Variants in PRKN observed in about 807,000 individuals in gnomAD.
PRKN encodes the protein E3 ubiquitin-protein ligase parkin.
Under a neutral mutation model 59.5 loss-of-function variants are expected in PRKN, and 56 were observed. The observed-to-expected ratio is 0.94, with a 90% CI of 0.76 to 1.18. The LOEUF is 1.18. Ranked by LOEUF, PRKN falls within the 50% of genes most tolerant of loss-of-function variation. The pLI, the probability that PRKN is intolerant of heterozygous loss-of-function variation, is 0.00. For synonymous variants in PRKN, 250 were observed against 222.1 expected (o/e 1.13, Z -1.12); for missense variants, 657 against 596.4 (o/e 1.10, Z -1.06).
At chr6:162,666,775 G>T (rs1046429034) in intron 1 of PRKN, among the ~76,000 whole-genome samples, 1 of 152,010 alleles carries the variant, frequency 6.6e-6, no homozygotes, top group Admixed American at 6.6e-5. Flanking sequence ...AATACAATGA[G>T]GTTTCTTGGT....
At chr6:162,430,037 A>G (rs1439867970) in intron 2 of PRKN, among the ~76,000 whole-genome samples, 2 of 152,088 alleles carry the variant, frequency 1.3e-5, no homozygotes, top group African/African-American at 4.8e-5. Flanking sequence ...TTAAAATCAG[A>G]AATCTTCTGT....
chr6:161,922,439 T>A lies in PRKN; in HGVS notation c.734+50863A>T, dbSNP rs1333052201. On this transcript the variant is annotated intron_variant, in intron 6 of 11. Transcript: ENST00000366898. Reference sequence around the variant, plus strand: ...ATGCAAACAAATATTAGTTTACTTTTTTCTCTCATATTAGAAATCTGTTAA... The same window carrying A: ...ATGCAAACAAATATTAGTTTACTTTATTCTCTCATATTAGAAATCTGTTAA... Among the ~76,000 whole-genome samples the A allele has an allele frequency of 2.6e-5, 4 of 152,274 alleles. No homozygotes were observed. In the East Asian group the frequency reaches 7.7e-4, roughly 29 times the overall value.
intron 7 of PRKN, among the ~76,000 whole-genome samples, chr6:161,749,332 T>C (rs1788577822): frequency 6.6e-6 from 1 of 152,198 alleles, no homozygotes; most frequent in Non-Finnish European, 1.5e-5. Flanking sequence ...TATATGTGCA[T>C]ATGTACGCAC....
intron 1 of PRKN, among the ~76,000 whole-genome samples, chr6:162,593,964 C>T (rs1173764881): frequency 6.6e-6 from 1 of 152,124 alleles, no homozygotes; most frequent in Non-Finnish European, 1.5e-5. Context: ...GCCTGGCCAA[C>T]ATGGCAAAAG....
chr6:161,944,071 T>C lies in PRKN; in HGVS notation c.734+29231A>G, dbSNP rs796826986. Among the ~76,000 whole-genome samples, 239 of 130,592 alleles carry C rather than the reference T, an allele frequency of 1.8e-3. 1 individual carries two copies. The highest frequency in any genetic ancestry group is 5.0e-3 in the South Asian group (19 of 3,828). The allele number at this position is 130,592 out of a possible 152,430, so 85.7% of individuals were successfully genotyped here. ...CAGCCTGAGGGATCAGCCTGAGGGA[T>C]CAGCCTGAGGGACCAGCCTGAGGGA... On this transcript the variant is annotated intron_variant, in intron 6 of 11. Transcript: ENST00000366898.
At chr6:161,528,322 G>T (rs941669429) in intron 9 of PRKN, among the ~76,000 whole-genome samples, 1 of 152,192 alleles carries the variant, frequency 6.6e-6, no homozygotes, top group African/African-American at 2.4e-5. Flanking sequence ...GTGCACAGCT[G>T]TGGGAACGCA....
rs1441027712 is a variant in PRKN, at chr6:161,533,807, G to C, written c.1083+15047C>G. On this transcript the variant is annotated intron_variant, in intron 9 of 11. Transcript: ENST00000366898. This position sits in a 1 kb window ranked among gnomAD's most constrained non-coding sequence, Gnocchi z 4.1. ...CTCCTTAACCCACCCACGTGTCTGT[G>C]TACTTAATTTTCTTGGCGTGAGATA... Among the ~76,000 whole-genome samples the C allele has an allele frequency of 6.6e-6, 1 of 151,456 alleles. No individual in the cohort carries two copies. The highest frequency in any genetic ancestry group is 1.5e-5 in the Non-Finnish European group (1 of 67,572).
At chr6:162,181,837 A>C (rs2128323304) in intron 4 of PRKN, among the ~76,000 whole-genome samples, 1 of 152,278 alleles carries the variant, frequency 6.6e-6, no homozygotes, top group Middle Eastern at 3.4e-3. Flanking sequence ...GGTAGGAAAG[A>C]AGTTGAGAAT....
rs146600409 is a variant in PRKN at position 161,599,065 on chromosome 6, C to A, written c.872-29649G>T. On this transcript the variant is annotated intron_variant, in intron 7 of 11. Coordinates refer to ENST00000366898, the MANE Select transcript of PRKN (RefSeq NM_004562.3). ...AGCCACAAGCCGAGGAATGCCGACT[C>A]CTGGCAACACCAAAGCTCAGACAAG... 1.7e-3 allele frequency among the ~76,000 whole-genome samples: 256 copies of A among 152,278 alleles called. 1 individual carries two copies. Among genetic ancestry groups the A allele is most frequent in the African/African-American group, 5.9e-3 (247 of 41,552 alleles).
At chr6:161,837,847 A>T (rs1227845434) in intron 6 of PRKN, among the ~76,000 whole-genome samples, 1 of 152,200 alleles carries the variant, frequency 6.6e-6, no homozygotes, top group African/African-American at 2.4e-5. Context: ...AATAGTTTTG[A>T]GAGCTTTTTT....
At chr6:161,682,655 A>G (rs1785410070) in intron 7 of PRKN, among the ~76,000 whole-genome samples, 1 of 152,158 alleles carries the variant, frequency 6.6e-6, no homozygotes, top group Admixed American at 6.5e-5. Context: ...GAGGTGAAAC[A>G]AACAGCTTCT....
chr6:162,678,263 C>T (rs375187110), intron 1 of PRKN, among the ~76,000 whole-genome samples: 10 of 152,124 alleles, frequency 6.6e-5, no homozygotes, highest in South Asian at 2.1e-4. Flanking sequence ...GCTATGGATA[C>T]TTGTATGTGA....
At chr6:161,939,959 C>T (rs1477116241) in intron 6 of PRKN, among the ~76,000 whole-genome samples, 1 of 151,198 alleles carries the variant, frequency 6.6e-6, no homozygotes, top group South Asian at 2.1e-4. Flanking sequence ...AGTGCGATGG[C>T]GCCATCTCGG....
intron 1 of PRKN, among the ~76,000 whole-genome samples, chr6:162,591,537 C>G (rs979556074): frequency 6.6e-6 from 1 of 152,048 alleles, no homozygotes; most frequent in Non-Finnish European, 1.5e-5. Flanking sequence ...AAAAAAATGA[C>G]TAAAAGGAAC....
chr6:162,363,137 A>C (rs934339891), intron 2 of PRKN, among the ~76,000 whole-genome samples: 396 of 143,816 alleles, frequency 2.8e-3, no homozygotes, highest in South Asian at 3.7e-3. Flanking sequence ...CAAACAAAAA[A>C]AAAAAAAAAA....
chr6:161,479,713 G>C (rs1487741089), intron 9 of PRKN, among the ~76,000 whole-genome samples: 1 of 152,160 alleles, frequency 6.6e-6, no homozygotes, highest in Non-Finnish European at 1.5e-5. Context: ...GAGCAATTTG[G>C]CTTGGCTTTG....
intron 4 of PRKN, among the ~76,000 whole-genome samples, chr6:162,114,872 T>C (rs1189550684): frequency 2.6e-5 from 4 of 151,890 alleles, no homozygotes; most frequent in Non-Finnish European, 4.4e-5. Flanking sequence ...TGTGGAGAAA[T>C]AGGAACACTT....
chr6:162,716,081 T>C (rs1778709205), intron 1 of PRKN, among the ~76,000 whole-genome samples: 1 of 152,264 alleles, frequency 6.6e-6, no homozygotes, highest in Non-Finnish European at 1.5e-5. Context: ...CTAGTGCCTA[T>C]CATAAATCCT....
chr6:162,082,369 A>G (rs1779091899), intron 4 of PRKN, among the ~76,000 whole-genome samples: 1 of 152,046 alleles, frequency 6.6e-6, no homozygotes, highest in Non-Finnish European at 1.5e-5. Flanking sequence ...GCCTAGTCTC[A>G]GGTATATCTT....
Sources: allele counts gnomAD v4.1 joint callset (sites outside exome capture counted in the v4.1 genomes callset), GRCh38; gene constraint gnomAD v4.1.1; non-coding constraint Gnocchi (gnomAD v3.1); transcripts MANE v1.5; gene names NCBI Gene and HGNC (gene_info 2026-07-23, HGNC 2026-07-21).